GABRA3: variants seen among roughly 807,000 people sequenced by gnomAD.
GABRA3 encodes the protein gamma-aminobutyric acid type A receptor subunit alpha3.
GABRA3 carries 10 observed loss-of-function variants against 30.1 expected under a neutral mutation model. That is an observed-to-expected ratio of 0.33 (90% CI 0.20 to 0.56). GABRA3 has a LOEUF of 0.56. Among genes scored for constraint, GABRA3 ranks in the 20% least tolerant of loss-of-function variants. The pLI is 0.89. For synonymous variants in GABRA3, 151 were observed against 146.8 expected, an observed-to-expected ratio of 1.03 and a Z score of -0.21; for missense variants, 233 against 392.0, an observed-to-expected ratio of 0.59 and a Z score of 3.42.
At chrX:152,196,363 A>G (rs1161312517) in intron 8 of GABRA3, among the ~76,000 whole-genome samples, 1 of 102,348 alleles carries the variant, frequency 9.8e-6, no homozygotes. Context: ...GCTCTATTGA[A>G]CTCCAGCCTG....
intron 9 of GABRA3, among the ~76,000 whole-genome samples, chrX:152,176,381 T>C (rs905346630): frequency 5.4e-5 from 6 of 111,558 alleles, no homozygotes; most frequent in African/African-American, 1.6e-4. Flanking sequence ...AAAATTAGGA[T>C]GTTAGTCCTA....
chrX:152,418,449 T>G (rs1242173013), intron 1 of GABRA3, among the ~76,000 whole-genome samples: 1 of 111,303 alleles, frequency 9.0e-6, no homozygotes, highest in Non-Finnish European at 1.9e-5. Context: ...GAAATCCAAA[T>G]TAAACCAGAA....
intron 9 of GABRA3, among the ~76,000 whole-genome samples, chrX:152,181,058 TTTTCTA>T (rs760162864): frequency 2.6e-4 from 24 of 93,465 alleles, no homozygotes; most frequent in African/African-American, 8.6e-4. Context: ...GGACTGTATC[TTTTCTA>T]TTTCTATTAA....
intron 6 of GABRA3, among the ~76,000 whole-genome samples, chrX:152,218,474 T>C (rs1393152249): frequency 9.0e-6 from 1 of 111,319 alleles, no homozygotes; most frequent in Non-Finnish European, 1.9e-5. Flanking sequence ...TGGTTATGTC[T>C]AATTGGTTTA....
chrX:152,278,163 G>C (rs1428918361), intron 4 of GABRA3, among the ~76,000 whole-genome samples: 10 of 110,980 alleles, frequency 9.0e-5, no homozygotes, highest in Non-Finnish European at 1.9e-4. Flanking sequence ...CAATGTGCAG[G>C]TTTGTTACAT....
intron 8 of GABRA3, among the ~76,000 whole-genome samples, chrX:152,196,072 C>T (rs1403608542): frequency 9.1e-6 from 1 of 109,638 alleles, no homozygotes; most frequent in Non-Finnish European, 1.9e-5. Flanking sequence ...TTTAAGCTCA[C>T]GTTAAGACAT....
intron 9 of GABRA3, among the ~76,000 whole-genome samples, chrX:152,172,052 G>A (rs184159651): frequency 4.5e-5 from 5 of 111,607 alleles, no homozygotes; most frequent in Non-Finnish European, 1.9e-5. Flanking sequence ...ATTTCCAGAA[G>A]TGGGGCAAAA....
At chrX:152,251,430 CT>C (rs1938552745) in intron 5 of GABRA3, among the ~76,000 whole-genome samples, 1 of 110,338 alleles carries the variant, frequency 9.1e-6, no homozygotes, top group Admixed American at 9.7e-5. Flanking sequence ...TCCTCCAAAA[CT>C]TAAACCTATT....
chrX:152,394,487 T>C (rs768392422), intron 1 of GABRA3: 1 of 387,209 alleles, frequency 2.6e-6, no homozygotes, highest in Non-Finnish European at 5.2e-6. Flanking sequence ...TTGACCACGA[T>C]GCACACACAG....
At chrX:152,315,197 A>G (rs1402862381) in intron 3 of GABRA3, among the ~76,000 whole-genome samples, 1 of 111,642 alleles carries the variant, frequency 9.0e-6, no homozygotes, top group Non-Finnish European at 1.9e-5. Flanking sequence ...TGTGAAAGTG[A>G]GAAAGGGGGA....
chrX:152,397,223 T>C (rs1358500334), intron 1 of GABRA3, among the ~76,000 whole-genome samples: 1 of 111,883 alleles, frequency 8.9e-6, no homozygotes, highest in Non-Finnish European at 1.9e-5. Context: ...CCACACTCTT[T>C]ACACCTTCTG....
intron 3 of GABRA3, among the ~76,000 whole-genome samples, chrX:152,331,436 A>T (rs1165336733): frequency 9.0e-6 from 1 of 111,548 alleles, no homozygotes; most frequent in African/African-American, 3.3e-5. Context: ...TAACCAGCTC[A>T]TGGACATCTT....
intron 1 of GABRA3, among the ~76,000 whole-genome samples, chrX:152,381,461 C>T (rs988733019): frequency 9.0e-6 from 1 of 111,688 alleles, no homozygotes; most frequent in Non-Finnish European, 1.9e-5. Flanking sequence ...ATACTAACCT[C>T]TTATCAGATG....
At chrX:152,185,793 G>A (rs1937245526) in intron 9 of GABRA3, among the ~76,000 whole-genome samples, 1 of 111,992 alleles carries the variant, frequency 8.9e-6, no homozygotes, top group Non-Finnish European at 1.9e-5. Flanking sequence ...ATCAAATTGA[G>A]CTTTTCCAGA....
At chrX:152,369,345 AT>A (rs1928760300) in intron 1 of GABRA3, among the ~76,000 whole-genome samples, 2 of 69,938 alleles carry the variant, frequency 2.9e-5, no homozygotes, top group African/African-American at 1.0e-4. Context: ...AATGCATGCA[AT>A]TTTTATCTGT....
intron 4 of GABRA3, among the ~76,000 whole-genome samples, chrX:152,275,617 G>A (rs1939068187): frequency 9.4e-6 from 1 of 106,484 alleles, no homozygotes; most frequent in South Asian, 3.9e-4. Flanking sequence ...AAATTAGCCA[G>A]GTGTGGTGGC....
intron 4 of GABRA3, among the ~76,000 whole-genome samples, chrX:152,276,725 G>C (rs1218738030): frequency 9.0e-6 from 1 of 111,566 alleles, no homozygotes; most frequent in African/African-American, 3.2e-5. Flanking sequence ...AAAAAGTAGA[G>C]TTTTTAATAC....
At chrX:152,227,388 G>A (rs1323533113) in intron 5 of GABRA3, among the ~76,000 whole-genome samples, 42 of 61,638 alleles carry the variant, frequency 6.8e-4, no homozygotes, top group Non-Finnish European at 1.0e-3. Flanking sequence ...GTTGTGGGGT[G>A]GGGGGAGGGG....
chrX:152,416,654 A>G, intron 1 of GABRA3, among the ~76,000 whole-genome samples: 1 of 111,516 alleles, frequency 9.0e-6, no homozygotes, highest in Non-Finnish European at 1.9e-5. Flanking sequence ...CCAAAACAGC[A>G]TGGTACTGGT....
Sources: allele counts gnomAD v4.1 joint callset (sites outside exome capture counted in the v4.1 genomes callset), GRCh38; gene constraint gnomAD v4.1.1; transcripts MANE v1.5; gene names NCBI Gene and HGNC (gene_info 2026-07-23, HGNC 2026-07-21).